Variants in RIMS1 observed in about 807,000 individuals in gnomAD.
RIMS1 encodes regulating synaptic membrane exocytosis protein 1.
Under a neutral mutation model 214.1 loss-of-function variants are expected in RIMS1, and 83 were observed. The ratio of observed to expected loss-of-function variants is 0.39; its 90% confidence interval spans 0.32 to 0.47. The LOEUF (loss-of-function observed/expected upper bound fraction) is 0.47. Ranked by LOEUF, RIMS1 falls within the 20% of genes least tolerant of loss-of-function variation. The pLI is 0.99. For missense variants in RIMS1, 2,050 were observed against 2,161.8 expected (o/e 0.95, Z 1.03); for synonymous variants, 793 against 786.8 (o/e 1.01, Z -0.13).
chr6:72,252,946 A>G lies in RIMS1; in HGVS notation c.2770+114A>G. On this transcript the variant is annotated intron_variant, in intron 16 of 33. Transcript: ENST00000521978. ...TGAAGATTTATAGCACAGAGAAATCAGTATTATATTATTCCATGGTGACTT... is the reference window on the plus strand; with the variant it reads ...TGAAGATTTATAGCACAGAGAAATCGGTATTATATTATTCCATGGTGACTT... The G allele has an allele frequency of 6.9e-6, 5 of 724,482 alleles. No homozygotes were observed. In the South Asian group the frequency reaches 9.3e-5, roughly 14 times the overall value. The allele number at this position is 724,482 out of a possible 1,614,324, so 44.9% of individuals were successfully genotyped here. A position where few individuals can be genotyped will look rare whatever the true frequency, so the allele number is the denominator to read the frequency against.
At chr6:72,251,393 C>G (rs747190134) in intron 15 of RIMS1, 25 bp downstream of exon 15, 1 of 1,521,664 alleles carries the variant, frequency 6.6e-7, no homozygotes, top group Non-Finnish European at 8.9e-7. Context: ...TTTTAGTTGC[C>G]ACAAAGTAAT....
At chr6:72,218,527 T>C (rs2057217898) in intron 6 of RIMS1, among the ~76,000 whole-genome samples, 1 of 152,206 alleles carries the variant, frequency 6.6e-6, no homozygotes, top group Non-Finnish European at 1.5e-5. Flanking sequence ...TACTAGTTAA[T>C]GTTTGTGAGT....
chr6:72,245,736 A>G, intron 10 of RIMS1, 79 bp from the exon 11 acceptor site: 1 of 1,106,480 alleles, frequency 9.0e-7, no homozygotes, highest in Non-Finnish European at 1.4e-6. Flanking sequence ...GATTTTTCAC[A>G]TCACGTATAA....
rs2048517712 is a variant in RIMS1 at position 72,182,383 on chromosome 6, C to T, written c.912C>T (p.Ala304=). ...PKTSAQPVEG[A]VEERERKERR... ...CCTCAGCGCAGCCCGTGGAGGGGGCCGTCGAAGAACGGGAGCGCAAAGAAA... is the reference window on the plus strand; with the variant it reads ...CCTCAGCGCAGCCCGTGGAGGGGGCTGTCGAAGAACGGGAGCGCAAAGAAA... The change falls in exon 6 of 34, where the codon GCC becomes GCT. Residue 304 remains alanine, a synonymous_variant. Transcript: ENST00000521978. 6.2e-7 allele frequency: 1 copy of T among 1,613,706 alleles called. No homozygotes were observed. The highest frequency in any genetic ancestry group is 8.5e-7 in the Non-Finnish European group (1 of 1,179,876).
chr6:72,215,850 T>C (rs571704287), intron 6 of RIMS1, among the ~76,000 whole-genome samples: 3 of 152,350 alleles, frequency 2.0e-5, no homozygotes, highest in Admixed American at 1.3e-4. Context: ...TTTTTGGTAA[T>C]GAGATGATCC....
chr6:72,217,525 CAATT>C (rs1159853140), intron 6 of RIMS1, among the ~76,000 whole-genome samples: 5 of 152,090 alleles, frequency 3.3e-5, no homozygotes, highest in Non-Finnish European at 1.5e-5. Flanking sequence ...AGATAATATA[CAATT>C]AATTCAGAAA....
intron 4 of RIMS1, among the ~76,000 whole-genome samples, chr6:72,159,463 C>A (rs1463475687): frequency 7.1e-6 from 1 of 140,542 alleles, no homozygotes; most frequent in Non-Finnish European, 1.6e-5. Flanking sequence ...AAGTCCTTGC[C>A]CATGCCTATG....
intron 14 of RIMS1, 52 bp from the exon 15 acceptor site, chr6:72,251,163 A>T: frequency 6.4e-7 from 1 of 1,559,664 alleles, no homozygotes; most frequent in Non-Finnish European, 8.7e-7. Flanking sequence ...GATTACTATT[A>T]CATTATGTTT....
chr6:71,890,564 T>G (rs1769357321), intron 1 of RIMS1, among the ~76,000 whole-genome samples: 1 of 82,042 alleles, frequency 1.2e-5, no homozygotes, highest in Non-Finnish European at 2.6e-5. Context: ...ATCTTACTCC[T>G]TTTTGTAAAA....
At chr6:72,284,749 A>G (rs1218214330) in intron 24 of RIMS1, among the ~76,000 whole-genome samples, 1 of 152,134 alleles carries the variant, frequency 6.6e-6, no homozygotes, top group African/African-American at 2.4e-5. Context: ...TCATTCACCC[A>G]TTCATTTATC....
rs565196915 is a variant in RIMS1, at chr6:71,988,612, G to T, written c.245+19549G>T. On this transcript the variant is annotated intron_variant, in intron 2 of 33. Transcript: ENST00000521978. ...TAGGAAAATGGCTGAATAAATTATGGTATTGCCCTGCTGTGAAATTCTTGT... is the reference window on the plus strand; with the variant it reads ...TAGGAAAATGGCTGAATAAATTATGTTATTGCCCTGCTGTGAAATTCTTGT... Among the ~76,000 whole-genome samples, 21 of 152,204 alleles carry T rather than the reference G, an allele frequency of 1.4e-4. No homozygotes were observed. In the East Asian group the frequency reaches 4.1e-3, roughly 29 times the overall value.
intron 4 of RIMS1, chr6:72,126,656 G>A (rs970985532): frequency 7.8e-6 from 2 of 255,302 alleles, no homozygotes; most frequent in Middle Eastern, 4.4e-4. Flanking sequence ...TATACAAGTG[G>A]CAAACAAATA....
intron 1 of RIMS1, among the ~76,000 whole-genome samples, chr6:71,907,222 T>C (rs185174703): frequency 3.3e-5 from 5 of 152,320 alleles, no homozygotes; most frequent in Admixed American, 3.3e-4. Context: ...AGGAAGCATT[T>C]TGGCTTACCC....
At position 72,090,171 on chromosome 6, in the gene RIMS1, A is replaced by T. The variant is rs563754918; in HGVS notation, c.246-6778A>T. 1.3e-4 allele frequency among the ~76,000 whole-genome samples: 20 copies of T among 151,658 alleles called. No individual in the cohort carries two copies. The South Asian group carries it at 4.0e-3, about 30-fold the overall frequency. ...TGTACCCTAAAACTTAAAGTATAAT[A>T]AAAAAAAATTTTTTTTATAGAGATT... On this transcript the variant is annotated intron_variant, in intron 2 of 33. Transcript: ENST00000521978.
At chr6:72,117,792 G>C (rs185351001) in intron 4 of RIMS1, among the ~76,000 whole-genome samples, 2 of 152,008 alleles carry the variant, frequency 1.3e-5, no homozygotes, top group Admixed American at 1.3e-4. Context: ...TAAGAGGAAA[G>C]TTCATAGCGT....
chr6:72,364,408 G>T (rs2097919924), intron 29 of RIMS1, among the ~76,000 whole-genome samples: 1 of 152,130 alleles, frequency 6.6e-6, no homozygotes, highest in Non-Finnish European at 1.5e-5. Flanking sequence ...TGTACTCTAT[G>T]TGCAGTCCCC....
intron 29 of RIMS1, among the ~76,000 whole-genome samples, chr6:72,364,826 A>T (rs2097935827): frequency 6.6e-6 from 1 of 152,218 alleles, no homozygotes; most frequent in Non-Finnish European, 1.5e-5. Context: ...AGGAAATTGT[A>T]GGATTTATCC....
At chr6:72,145,345 C>T (rs771120088) in intron 4 of RIMS1, among the ~76,000 whole-genome samples, 10 of 152,044 alleles carry the variant, frequency 6.6e-5, no homozygotes, top group Admixed American at 3.3e-4. Context: ...CCAGGTGTGT[C>T]GGCTCACGCC....
chr6:72,261,768 T>C (rs1414828522), intron 19 of RIMS1: 22 of 985,216 alleles, frequency 2.2e-5, no homozygotes, highest in Non-Finnish European at 2.5e-5. Context: ...CTAATAAAAA[T>C]TGTTTGAACT....
Sources: gnomAD v4.1 joint callset for allele counts (sites outside exome capture counted in the v4.1 genomes callset) on GRCh38, gnomAD v4.1.1 for gene constraint, MANE v1.5 for transcripts, NCBI Gene and HGNC (gene_info 2026-07-23, HGNC 2026-07-21) for gene names.